The following PUS3 variants were observed in gnomAD, a reference collection of about 807,000 sequenced individuals.
The protein encoded by PUS3 is pseudouridine synthase 3.
PUS3 carries 36 observed loss-of-function variants against 43.3 expected under a neutral mutation model. The ratio of observed to expected loss-of-function variants is 0.83; its 90% CI spans 0.64 to 1.10. PUS3 has a LOEUF of 1.10. PUS3 is among the 50% of genes least tolerant of loss of function. PUS3 has a pLI of 0.00. For missense variants in PUS3, 544 were observed against 589.9 expected (o/e 0.92, Z 0.81); for synonymous variants, 183 against 199.2 (o/e 0.92, Z 0.69).
In PUS3 at chr11:125,898,674, C is replaced by CA. The variant is rs1218833075; in HGVS notation, c.-46-2345dup. On this transcript the variant is annotated intron_variant, in intron 1 of 3. Coordinates refer to ENST00000227474, the MANE Select transcript of PUS3 (RefSeq NM_031307.4). ...CCTAGGTGACAGCAAGACTCCATCT[C>CA]AAAAAAAAAAATTATTAAAGCATAG... Among the ~76,000 whole-genome samples, 558 of 143,290 alleles carry CA rather than the reference C, an allele frequency of 3.9e-3. 2 individuals are homozygous for CA. Among genetic ancestry groups the CA allele is most frequent in the African/African-American group, 0.011 (417 of 39,192 alleles). The allele number at this position is 143,290 out of a possible 152,430, so 94.0% of individuals were successfully genotyped here.
At position 125,893,814 on chromosome 11, in the gene PUS3, C is replaced by T. The variant is rs755958473; in HGVS notation, c.1417G>A (p.Val473Ile). The change falls in exon 4 of 4, where the codon GTT (valine) becomes ATT (isoleucine). Residue 473 changes from valine (V) to isoleucine (I), a missense_variant. Physicochemically the swap from Val to Ile is conservative, Grantham distance 29 (BLOSUM62 3). Transcript: ENST00000227474. The stretch of plus-strand genomic sequence containing the variant: ...ATGATGCTTTTAATTTCTGTGTCAA[C>T]ACAGACCCTCTTCGTTGGTGTCTCC... ...NLETPTKRVC[V>I]DTEIKSII 12 of 1,613,566 alleles carry T rather than the reference C, an allele frequency of 7.4e-6. 1 individual carries two copies. The South Asian group carries it at 9.9e-5, about 13-fold the overall frequency.
chr11:125,896,715 T>G (rs551148821), intron 1 of PUS3, among the ~76,000 whole-genome samples: 1 of 152,354 alleles, frequency 6.6e-6, no homozygotes, highest in Admixed American at 6.5e-5. Context: ...AGTCATAAGA[T>G]TTCTTTATAT....
chr11:125,899,771 C>T, intron 1 of PUS3: 1 of 1,614,164 alleles, frequency 6.2e-7, no homozygotes, highest in Non-Finnish European at 8.5e-7. Flanking sequence ...AAGACAAAGG[C>T]TGATGAATGT....
rs1169319931 is a variant in PUS3, at chr11:125,893,930, C to T, written c.1301G>A (p.Gly434Glu). ...GAATAAATGTGGGTGCTCAATTCGTCCCCTACGTACAAAATGCTGGATCCG... is the reference window on the plus strand; with the variant it reads ...GAATAAATGTGGGTGCTCAATTCGTTCCCTACGTACAAAATGCTGGATCCG... Reference protein sequence around the residue: ...ESRIQHFVRRGRIEHPHLFHE... With the variant: ...ESRIQHFVRRERIEHPHLFHE... The change falls in exon 4 of 4, where the codon GGA (glycine) becomes GAA (glutamate). Residue 434 changes from glycine to glutamate, a missense_variant. Gly to Glu is a moderately conservative substitution (Grantham distance 98). Coordinates refer to ENST00000227474, the MANE Select transcript of PUS3 (RefSeq NM_031307.4). 1.2e-6 allele frequency: 2 copies of T among 1,614,124 alleles called. No individual in the cohort carries two copies. The highest frequency in any genetic ancestry group is 1.7e-6 in the Non-Finnish European group (2 of 1,180,034).
intron 1 of PUS3, chr11:125,899,378 C>G: frequency 6.2e-7 from 1 of 1,614,122 alleles, no homozygotes; most frequent in Non-Finnish European, 8.5e-7. Flanking sequence ...AATGGAAGAA[C>G]TTCTACCTGA....
At position 125,895,636 on chromosome 11, in the gene PUS3, C is replaced by T. The variant is rs779170546; in HGVS notation, c.532G>A (p.Ala178Thr). Residue 178 changes from alanine (A) to threonine (T), a missense_variant, in exon 3 of 4, where the codon GCC (alanine) becomes ACC (threonine). Physicochemically the swap from Ala to Thr is moderately conservative, Grantham distance 58. Coordinates refer to ENST00000227474, the MANE Select transcript of PUS3 (RefSeq NM_031307.4). ...GCACTGAAGCTTGGTTCTACAGGGG[C>T]CCAGGCCAATATACGGATGTCTGGA... is the stretch of plus-strand genomic sequence containing the variant. ...LPPDIRILAW[A>T]PVEPSFSARF... The T allele has an allele frequency of 5.6e-6, 9 of 1,614,096 alleles. No individual in the cohort carries two copies. In the South Asian group the frequency reaches 6.6e-5, roughly 12 times the overall value.
chr11:125,896,297 C>T lies in PUS3; in HGVS notation c.-13G>A. On this transcript the variant is annotated 5_prime_UTR_variant, in exon 2 of 4. Transcript: ENST00000227474. ...CATTATAAGCCATGATATGACAACC[C>T]CAGGAATAAACGAACCATACAGGTC... is the stretch of plus-strand genomic sequence containing the variant. The T allele has an allele frequency of 6.3e-7, 1 of 1,597,426 alleles. No individual in the cohort carries two copies. Among genetic ancestry groups the T allele is most frequent in the Non-Finnish European group, 8.6e-7 (1 of 1,166,578 alleles).
intron 1 of PUS3, among the ~76,000 whole-genome samples, chr11:125,898,698 A>G (rs2134254451): frequency 6.6e-6 from 1 of 152,292 alleles, no homozygotes; most frequent in Non-Finnish European, 1.5e-5. Flanking sequence ...ATTAAAGCAT[A>G]GAAATTATAT....
Position 125,903,099 on chromosome 11 carries a change from A to G in PUS3, c.-47+71T>C, listed in dbSNP as rs12290595. On this transcript the variant is annotated intron_variant, in intron 1 of 3. Transcript: ENST00000227474. ...AAAAGAAGACAACAGACAACCGTTC[A>G]GCAGTGTGTCCATTTGTCCCTTCCC... 8.2e-6 allele frequency: 6 copies of G among 729,280 alleles called. No individual in the cohort carries two copies. The African/African-American group carries it at 1.1e-4, about 14-fold the overall frequency. The allele number at this position is 729,280 out of a possible 1,614,324, so 45.2% of individuals were successfully genotyped here.
At chr11:125,894,982 G>C (rs1201750986) in intron 3 of PUS3, among the ~76,000 whole-genome samples, 3 of 151,886 alleles carry the variant, frequency 2.0e-5, no homozygotes, top group African/African-American at 7.3e-5. Flanking sequence ...TCAGAGTAAA[G>C]CTTCATGAAG....
intron 1 of PUS3, among the ~76,000 whole-genome samples, chr11:125,898,761 T>C (rs506443): frequency 6.9e-6 from 1 of 145,638 alleles, no homozygotes; most frequent in African/African-American, 2.5e-5. Flanking sequence ...ACACTGCTTT[T>C]GTGATTTTTT....
chr11:125,900,254 C>G (rs1277715029), intron 1 of PUS3: 14 of 1,613,986 alleles, frequency 8.7e-6, no homozygotes, highest in South Asian at 5.5e-5. Context: ...TCCCTTCCCT[C>G]TTTCTCCTTC....
intron 3 of PUS3, 32 bp downstream of exon 3, chr11:125,895,192 C>T (rs1186594169): frequency 6.6e-7 from 1 of 1,511,560 alleles, no homozygotes; most frequent in East Asian, 2.3e-5. Flanking sequence ...GGACTACAGG[C>T]ATGTGCCATT....
Position 125,894,071 on chromosome 11 carries a change from T to C in PUS3, c.1160A>G (p.Glu387Gly). The C allele has an allele frequency of 6.2e-7, 1 of 1,614,204 alleles. No homozygotes were observed. Among genetic ancestry groups the C allele is most frequent in the South Asian group, 1.1e-5 (1 of 91,082 alleles). ...GACAGAGGGCTTAACATTTCCCCAT[T>C]CTGTCATTCCATCCATCTTTGGTCC... ...GIGPKMDGMT[E>G]WGNVKPSVIK... Residue 387 changes from glutamate (E) to glycine (G), a missense_variant, in exon 4 of 4, where the codon GAA (glutamate) becomes GGA (glycine). Glu to Gly is a moderately conservative substitution (Grantham distance 98, BLOSUM62 -2). Transcript: ENST00000227474.
At chr11:125,894,606 G>T (rs1565452453) in intron 3 of PUS3, among the ~76,000 whole-genome samples, 1 of 152,174 alleles carries the variant, frequency 6.6e-6, no homozygotes, top group Non-Finnish European at 1.5e-5. Flanking sequence ...TTGCAATTTT[G>T]TATAGTATGA....
chr11:125,899,624 T>TC, intron 1 of PUS3: 9 of 1,614,104 alleles, frequency 5.6e-6, no homozygotes, highest in Non-Finnish European at 7.6e-6. Context: ...CTCTGAGGCC[T>TC]CCCAAAGACT....
rs745312528 is a variant in PUS3 at position 125,894,033 on chromosome 11, T to C, written c.1198A>G (p.Ser400Gly). ...ATCTTCACTCCTTCTACAAAGGCACTGGTCTGCTTTATGACAGAGGGCTTA... is the reference window on the plus strand; with the variant it reads ...ATCTTCACTCCTTCTACAAAGGCACCGGTCTGCTTTATGACAGAGGGCTTA... ...NVKPSVIKQT[S>G]AFVEGVKMRT... Residue 400 changes from serine to glycine, a missense_variant, in exon 4 of 4, where the codon AGT becomes GGT. Ser to Gly is a moderately conservative substitution (Grantham distance 56, BLOSUM62 0). Coordinates refer to ENST00000227474, the MANE Select transcript of PUS3 (RefSeq NM_031307.4). 6.2e-7 allele frequency: 1 copy of C among 1,614,242 alleles called. No individual in the cohort carries two copies. The highest frequency in any genetic ancestry group is 8.5e-7 in the Non-Finnish European group (1 of 1,180,034).
In PUS3 at chr11:125,895,806, A is replaced by C. The variant is rs760553753; in HGVS notation, c.379-17T>G. ...TGAGATCACCTGTGGAGTTAGACAAAGATACTGGGTTTTAGAGACACAAAT... is the reference window on the plus strand; with the variant it reads ...TGAGATCACCTGTGGAGTTAGACAACGATACTGGGTTTTAGAGACACAAAT... On this transcript the variant is annotated splice_polypyrimidine_tract_variant and intron_variant, in intron 2 of 3. Coordinates refer to ENST00000227474, the MANE Select transcript of PUS3 (RefSeq NM_031307.4). 1.3e-6 allele frequency: 2 copies of C among 1,585,558 alleles called. No individual in the cohort carries two copies. The highest frequency in any genetic ancestry group is 1.7e-6 in the Non-Finnish European group (2 of 1,170,126).
intron 1 of PUS3, among the ~76,000 whole-genome samples, chr11:125,902,162 C>G (rs576718725): frequency 1.3e-5 from 2 of 152,112 alleles, no homozygotes; most frequent in South Asian, 2.1e-4. Flanking sequence ...ACACCTTACC[C>G]TAATTCAGGG....
Sources: gnomAD v4.1 joint callset for allele counts (sites outside exome capture counted in the v4.1 genomes callset) on GRCh38, gnomAD v4.1.1 for gene constraint, MANE v1.5 for transcripts, NCBI Gene and HGNC (gene_info 2026-07-23, HGNC 2026-07-21) for gene names.